ST6GALNAC3: variants seen among roughly 807,000 people sequenced by gnomAD.
The protein encoded by ST6GALNAC3 is alpha-N-acetylgalactosaminide alpha-2,6-sialyltransferase 3.
Under a neutral mutation model 32.7 loss-of-function variants are expected in ST6GALNAC3, and 25 were observed. The observed-to-expected ratio is 0.76, with a 90% CI of 0.56 to 1.07. ST6GALNAC3 has a LOEUF of 1.07. Among genes scored for constraint, ST6GALNAC3 ranks in the 50% least tolerant of loss-of-function variants. The probability of loss-of-function intolerance (pLI) is 0.00; values close to 1 mark genes in which losing one functional copy is unlikely to be tolerated. For synonymous variants in ST6GALNAC3, 129 were observed against 133.1 expected, an observed-to-expected ratio of 0.97 and a Z score of 0.21; for missense variants, 355 against 382.4, an observed-to-expected ratio of 0.93 and a Z score of 0.60.
intron 3 of ST6GALNAC3, among the ~76,000 whole-genome samples, chr1:76,492,609 T>G (rs1188938935): frequency 6.6e-6 from 1 of 152,032 alleles, no homozygotes; most frequent in Non-Finnish European, 1.5e-5. Context: ...TGTTGTAACA[T>G]CACAGTAGTA....
At chr1:76,371,992 G>T (rs1054314603) in intron 2 of ST6GALNAC3, among the ~76,000 whole-genome samples, 7 of 152,276 alleles carry the variant, frequency 4.6e-5, no homozygotes, top group Non-Finnish European at 7.4e-5. Flanking sequence ...CTGGAGCATG[G>T]ATTTCTACCT....
intron 1 of ST6GALNAC3, among the ~76,000 whole-genome samples, chr1:76,216,036 C>G (rs1365630278): frequency 6.6e-6 from 1 of 152,142 alleles, no homozygotes; most frequent in Non-Finnish European, 1.5e-5. Context: ...TCATCTCTTA[C>G]TCTTTTGCTT....
chr1:76,432,846 T>C (rs1655862510), intron 3 of ST6GALNAC3, among the ~76,000 whole-genome samples: 1 of 152,200 alleles, frequency 6.6e-6, no homozygotes, highest in South Asian at 2.1e-4. Flanking sequence ...CCTTCATTTG[T>C]ACCATCAAAA....
At chr1:76,109,671 G>A (rs971745797) in intron 1 of ST6GALNAC3, among the ~76,000 whole-genome samples, 3 of 152,218 alleles carry the variant, frequency 2.0e-5, no homozygotes, top group African/African-American at 4.8e-5. Context: ...CTGCATCTGC[G>A]TTGCTTGCTC....
At chr1:76,315,590 C>G (rs966343290) in intron 2 of ST6GALNAC3, among the ~76,000 whole-genome samples, 1 of 152,014 alleles carries the variant, frequency 6.6e-6, no homozygotes, top group African/African-American at 2.4e-5. Context: ...TTATTTTGCT[C>G]CTGCAAAGGT....
chr1:76,166,792 G>A (rs558961047), intron 1 of ST6GALNAC3, among the ~76,000 whole-genome samples: 2 of 151,970 alleles, frequency 1.3e-5, no homozygotes, highest in Admixed American at 6.6e-5. Context: ...TTGCCTATTC[G>A]GCTCTTGGCT....
At chr1:76,259,088 A>G (rs1222638870) in intron 1 of ST6GALNAC3, among the ~76,000 whole-genome samples, 1 of 152,184 alleles carries the variant, frequency 6.6e-6, no homozygotes, top group Non-Finnish European at 1.5e-5. Context: ...AAAATAAAAG[A>G]TGAATGCATG....
intron 3 of ST6GALNAC3, among the ~76,000 whole-genome samples, chr1:76,491,628 A>G (rs545792714): frequency 3.3e-5 from 5 of 152,288 alleles, no homozygotes; most frequent in South Asian, 2.1e-4. Flanking sequence ...TAGAAACTCT[A>G]GGAGACACAT....
At chr1:76,547,861 CA>C (rs34464699) in intron 3 of ST6GALNAC3, among the ~76,000 whole-genome samples, 76,514 of 123,128 alleles carry the variant, frequency 0.62, 22,573 homozygotes, top group East Asian at 0.75. Context: ...GATTCTGTCT[CA>C]AAAAAAAAAA....
At chr1:76,581,753 A>T (rs1443000932) in intron 3 of ST6GALNAC3, among the ~76,000 whole-genome samples, 1 of 152,120 alleles carries the variant, frequency 6.6e-6, no homozygotes, top group Non-Finnish European at 1.5e-5. Flanking sequence ...ATCATCATTA[A>T]TTAATATAAC....
Position 76,633,802 on chromosome 1 carries a change from A to T in ST6GALNAC3, c.*4996A>T, listed in dbSNP as rs911327186. ...TAGTCTGCATAAAAGATTTAAAAGGATTTTTTTTTCTCTACAGTCCATTTA... is the reference window on the plus strand; with the variant it reads ...TAGTCTGCATAAAAGATTTAAAAGGTTTTTTTTTTCTCTACAGTCCATTTA... On this transcript the variant is annotated 3_prime_UTR_variant, in exon 5 of 5. Transcript: ENST00000328299. 1 of 151,688 alleles carries T rather than the reference A, an allele frequency of 6.6e-6. No homozygotes were observed. Among genetic ancestry groups the T allele is most frequent in the Non-Finnish European group, 1.5e-5 (1 of 67,930 alleles). The allele number at this position is 151,688 out of a possible 1,614,324, so 9.4% of individuals were successfully genotyped here. A position where few individuals can be genotyped will look rare whatever the true frequency, so the allele number is the denominator to read the frequency against.
intron 3 of ST6GALNAC3, among the ~76,000 whole-genome samples, chr1:76,433,604 T>A (rs138675311): frequency 6.6e-6 from 1 of 152,320 alleles, no homozygotes; most frequent in East Asian, 1.9e-4. Flanking sequence ...ACCTTTTTCT[T>A]ATCTGTCTTC....
chr1:76,101,443 C>T (rs1647223222), intron 1 of ST6GALNAC3, among the ~76,000 whole-genome samples: 1 of 152,096 alleles, frequency 6.6e-6, no homozygotes, highest in South Asian at 2.1e-4. Context: ...CAAGTTTTGG[C>T]ACTTATAAGT....
intron 1 of ST6GALNAC3, among the ~76,000 whole-genome samples, chr1:76,242,114 C>A (rs947716835): frequency 1.3e-5 from 2 of 152,176 alleles, no homozygotes; most frequent in African/African-American, 4.8e-5. Context: ...GTTCTCCCAC[C>A]TTTTCCTTTC....
At chr1:76,466,924 ATT>A (rs1658672863) in intron 3 of ST6GALNAC3, among the ~76,000 whole-genome samples, 1 of 152,082 alleles carries the variant, frequency 6.6e-6, no homozygotes, top group Non-Finnish European at 1.5e-5. Context: ...TAGCTTTATA[ATT>A]TTTGTATTAA....
chr1:76,514,723 T>A (rs1662072000), intron 3 of ST6GALNAC3, among the ~76,000 whole-genome samples: 1 of 152,172 alleles, frequency 6.6e-6, no homozygotes, highest in Admixed American at 6.5e-5. Context: ...TGCAGAACTA[T>A]GAGCTAAATA....
At chr1:76,590,245 A>G (rs530342653) in intron 3 of ST6GALNAC3, among the ~76,000 whole-genome samples, 7 of 152,276 alleles carry the variant, frequency 4.6e-5, no homozygotes, top group African/African-American at 1.7e-4. Flanking sequence ...TTCATCTGCC[A>G]TTACTTTTTA....
intron 1 of ST6GALNAC3, among the ~76,000 whole-genome samples, chr1:76,266,097 C>G (rs1248745221): frequency 6.6e-6 from 1 of 152,164 alleles, no homozygotes; most frequent in Non-Finnish European, 1.5e-5. Flanking sequence ...GGGCACTTAA[C>G]TGGAAATAGG....
In ST6GALNAC3 at chr1:76,150,173, T is replaced by C. The variant is rs886401077; in HGVS notation, c.18+75289T>C. On this transcript the variant is annotated intron_variant, in intron 1 of 4. Transcript: ENST00000328299. ...CAGATCCTACCCCTGCCTTTTTTTT[T>C]CCAGCCTCCATCTGAGAGCCTCTTT... Among the ~76,000 whole-genome samples the C allele has an allele frequency of 3.9e-5, 6 of 152,200 alleles. No homozygotes were observed. In the South Asian group the frequency reaches 6.2e-4, roughly 16 times the overall value.
Sources: allele counts gnomAD v4.1 joint callset (sites outside exome capture counted in the v4.1 genomes callset), GRCh38; gene constraint gnomAD v4.1.1; transcripts MANE v1.5; gene names NCBI Gene and HGNC (gene_info 2026-07-23, HGNC 2026-07-21).